The following ATXN8OS variants were observed in gnomAD, a reference collection of about 807,000 sequenced individuals.
The protein encoded by ATXN8OS is ATXN8 opposite strand (non-protein coding).
At position 70,139,380 on chromosome 13, in the gene ATXN8OS, ACTACTGCTGCTGCTG is replaced by A. The variant is rs1399495513; in HGVS notation, n.500-7972_500-7958del. On this transcript the variant is annotated intron_variant and non_coding_transcript_variant, in intron 3 of 4. Transcript: ENST00000678624. ...TACTACTACTACTACTACTACTACT[ACTACTGCTGCTGCTG>A]CTGCTGCTGCTGCTGCTGCTGCTGC... 1.0e-3 allele frequency: 580 copies of A among 576,674 alleles called. No homozygotes were observed. The African/African-American group carries it at 0.011, about 11-fold the overall frequency. 35.7% of individuals were successfully genotyped at this position (576,674 alleles called of 1,614,324 possible).
At chr13:70,143,639 G>A (rs1888745460) in intron 3 of ATXN8OS, among the ~76,000 whole-genome samples, 1 of 152,090 alleles carries the variant, frequency 6.6e-6, no homozygotes, top group Non-Finnish European at 1.5e-5. Context: ...TAGGTTGAGC[G>A]GTGGGTACCT....
At chr13:70,108,334 A>G (rs1888129352) in intron 1 of ATXN8OS, 1 of 290,788 alleles carries the variant, frequency 3.4e-6, no homozygotes, top group Non-Finnish European at 6.3e-6. Flanking sequence ...GCTTTCTGCA[A>G]TGCCAGAAGA....
intron 4 of ATXN8OS, among the ~76,000 whole-genome samples, chr13:70,157,537 C>A (rs1303096622): frequency 6.9e-6 from 1 of 145,908 alleles, no homozygotes; most frequent in African/African-American, 2.6e-5. Context: ...GTTTCCTGCA[C>A]TTCTTTTACC....
chr13:70,135,905 TAAG>T, intron 3 of ATXN8OS, among the ~76,000 whole-genome samples: 1 of 152,350 alleles, frequency 6.6e-6, no homozygotes, highest in African/African-American at 2.4e-5. Context: ...CAGGCTGTTA[TAAG>T]AAAACTTTTA....
chr13:70,163,422 C>CTGTCAA (rs1375834769), intron 4 of ATXN8OS, among the ~76,000 whole-genome samples: 2 of 152,056 alleles, frequency 1.3e-5, no homozygotes, highest in African/African-American at 4.8e-5. Context: ...CCCCATGAGA[C>CTGTCAA]TGTCACCATG....
rs117304153 is a variant in ATXN8OS, at chr13:70,148,909, C to T, written n.573+1481C>T. Among the ~76,000 whole-genome samples the T allele has an allele frequency of 2.2e-4, 34 of 152,222 alleles. 1 individual carries two copies. The East Asian group carries it at 3.7e-3, about 16-fold the overall frequency. ...GGGTATAGTTTTAGAATTTCTGTCT[C>T]AAATGCAAGTTGGAATAACATTCTA... On this transcript the variant is annotated intron_variant and non_coding_transcript_variant, in intron 4 of 4. Transcript: ENST00000678624.
chr13:70,122,663 G>A (rs916380025), intron 2 of ATXN8OS, among the ~76,000 whole-genome samples: 3 of 151,980 alleles, frequency 2.0e-5, no homozygotes, highest in South Asian at 2.1e-4. Context: ...ACTATGGTAT[G>A]TATATTTGAG....
chr13:70,139,392 G>C (rs112128542), intron 3 of ATXN8OS: 1 of 539,090 alleles, frequency 1.9e-6, no homozygotes, highest in Non-Finnish European at 2.9e-6. Flanking sequence ...TACTGCTGCT[G>C]CTGCTGCTGC....
intron 2 of ATXN8OS, among the ~76,000 whole-genome samples, chr13:70,123,722 A>G (rs1176046969): frequency 1.3e-5 from 2 of 152,158 alleles, no homozygotes; most frequent in Non-Finnish European, 2.9e-5. Flanking sequence ...TATCAAAAAG[A>G]GAAGTCTAGG....
exon 5 of ATXN8OS, among the ~76,000 whole-genome samples, chr13:70,170,767 GCATT>G (rs1227192479): frequency 2.0e-5 from 3 of 152,070 alleles, no homozygotes; most frequent in Non-Finnish European, 2.9e-5. Flanking sequence ...TCTGAGAAAT[GCATT>G]ATTAGGTGAT....
intron 1 of ATXN8OS, among the ~76,000 whole-genome samples, chr13:70,114,604 G>C (rs2137470155): frequency 6.6e-6 from 1 of 151,762 alleles, no homozygotes; most frequent in South Asian, 2.1e-4. Flanking sequence ...ATTAAACATA[G>C]AGTATTTTCT....
At chr13:70,167,678 G>T (rs1365930712) in intron 4 of ATXN8OS, among the ~76,000 whole-genome samples, 2 of 135,890 alleles carry the variant, frequency 1.5e-5, no homozygotes, top group Admixed American at 7.4e-5. Flanking sequence ...TAAAAAAAAA[G>T]AAAATTCAGA....
chr13:70,161,794 C>T (rs1198080354), intron 4 of ATXN8OS, among the ~76,000 whole-genome samples: 1 of 151,312 alleles, frequency 6.6e-6, no homozygotes, highest in East Asian at 1.9e-4. Context: ...ATAGGATGTA[C>T]AATGCAAACA....
intron 2 of ATXN8OS, among the ~76,000 whole-genome samples, chr13:70,117,652 G>A (rs1050294585): frequency 1.3e-5 from 2 of 152,106 alleles, no homozygotes; most frequent in African/African-American, 2.4e-5. Context: ...ACCCTTCTCT[G>A]CTGCTTACAA....
At chr13:70,115,102 T>C (rs1176355515) in intron 1 of ATXN8OS, 1 of 397,424 alleles carries the variant, frequency 2.5e-6, no homozygotes, top group Admixed American at 4.4e-5. Context: ...CACTACATAC[T>C]GGGTAATTTA....
At chr13:70,124,637 G>C (rs1215152207) in intron 2 of ATXN8OS, among the ~76,000 whole-genome samples, 1 of 152,078 alleles carries the variant, frequency 6.6e-6, no homozygotes, top group African/African-American at 2.4e-5. Flanking sequence ...AGTGATAGAA[G>C]ATCTCAGTAG....
intron 1 of ATXN8OS, among the ~76,000 whole-genome samples, chr13:70,112,872 C>T (rs1043962779): frequency 6.7e-6 from 1 of 148,610 alleles, no homozygotes; most frequent in Non-Finnish European, 1.5e-5. Flanking sequence ...CACTTTTGTG[C>T]TGGGTCCTGT....
intron 3 of ATXN8OS, among the ~76,000 whole-genome samples, chr13:70,137,543 T>G (rs1419377830): frequency 6.6e-6 from 1 of 152,192 alleles, no homozygotes; most frequent in Non-Finnish European, 1.5e-5. Context: ...TGAACTGACA[T>G]GACCAGATTT....
intron 1 of ATXN8OS, among the ~76,000 whole-genome samples, chr13:70,112,619 C>T (rs1888212378): frequency 6.6e-6 from 1 of 151,972 alleles, no homozygotes. Flanking sequence ...TCCCCAGGGG[C>T]CATTTTAATC....
Sources: gnomAD v4.1 joint callset for allele counts (sites outside exome capture counted in the v4.1 genomes callset) on GRCh38, gnomAD v4.1.1 for gene constraint, MANE v1.5 for transcripts, NCBI Gene and HGNC (gene_info 2026-07-23, HGNC 2026-07-21) for gene names.